The following UNC79 variants were observed in gnomAD, a reference collection of about 807,000 sequenced individuals.
UNC79 encodes the protein protein unc-79 homolog.
UNC79 carries 37 observed loss-of-function variants against 283.1 expected under a neutral mutation model. The observed-to-expected ratio is 0.13, with a 90% CI of 0.10 to 0.17. The LOEUF (loss-of-function observed/expected upper bound fraction) is 0.17. Ranked by LOEUF, UNC79 falls within the 10% of genes least tolerant of loss-of-function variation. UNC79 has a pLI of 1.00. For synonymous variants in UNC79, 1,107 were observed against 1,200.2 expected (o/e 0.92, Z 1.61); for missense variants, 2,272 against 3,211.1 (o/e 0.71, Z 7.07).
intron 6 of UNC79, among the ~76,000 whole-genome samples, chr14:93,496,875 T>C (rs1344826880): frequency 4.6e-5 from 7 of 152,216 alleles, no homozygotes; most frequent in Non-Finnish European, 8.8e-5. Flanking sequence ...CTAAAATCTT[T>C]CTTTAGCATC....
At chr14:93,352,522 T>C (rs2053998324) in intron 1 of UNC79, among the ~76,000 whole-genome samples, 1 of 152,224 alleles carries the variant, frequency 6.6e-6, no homozygotes, top group African/African-American at 2.4e-5. Context: ...TTTTGATGAA[T>C]GAACTCTGTT....
chr14:93,668,793 G>A (rs1199702882), intron 40 of UNC79, among the ~76,000 whole-genome samples: 1 of 150,336 alleles, frequency 6.7e-6, no homozygotes. Flanking sequence ...GCAGTGAACC[G>A]TGACTGTACC....
chr14:93,635,708 C>T (rs2068454046), intron 31 of UNC79, among the ~76,000 whole-genome samples: 1 of 152,204 alleles, frequency 6.6e-6, no homozygotes, highest in Non-Finnish European at 1.5e-5. Context: ...ATAGTTTCAA[C>T]TCTCCTGGAC....
chr14:93,373,738 C>G (rs1269252943), intron 1 of UNC79, among the ~76,000 whole-genome samples: 2 of 152,130 alleles, frequency 1.3e-5, no homozygotes, highest in Non-Finnish European at 2.9e-5. Flanking sequence ...AGGATAAATA[C>G]TTTCTAACAC....
At chr14:93,558,972 T>C (rs1163906350) in intron 14 of UNC79, among the ~76,000 whole-genome samples, 1 of 152,110 alleles carries the variant, frequency 6.6e-6, no homozygotes, top group Admixed American at 6.6e-5. Context: ...TGATACAGAC[T>C]CTGGACCCAT....
intron 31 of UNC79, among the ~76,000 whole-genome samples, chr14:93,632,182 A>G (rs1482748602): frequency 1.3e-5 from 2 of 152,250 alleles, no homozygotes; most frequent in African/African-American, 4.8e-5. Context: ...CCTTTAAATA[A>G]TTCAAATTCA....
At chr14:93,373,917 G>C (rs1277349135) in intron 1 of UNC79, among the ~76,000 whole-genome samples, 2 of 152,202 alleles carry the variant, frequency 1.3e-5, no homozygotes, top group Non-Finnish European at 2.9e-5. Context: ...CTATGACTAA[G>C]TGGGATTTAT....
chr14:93,653,116 A>C (rs946417440), intron 35 of UNC79, among the ~76,000 whole-genome samples: 2 of 151,968 alleles, frequency 1.3e-5, no homozygotes, highest in African/African-American at 4.8e-5. Flanking sequence ...TTACCCCCTA[A>C]CTACATCAAG....
intron 1 of UNC79, among the ~76,000 whole-genome samples, chr14:93,414,507 C>T (rs901479043): frequency 6.6e-6 from 1 of 152,080 alleles, no homozygotes. Context: ...CTTGGCAATG[C>T]GGGCTCTTTT....
rs150451429 is a variant in UNC79, at chr14:93,542,445, T to C, written c.1525-21T>C. 6.2e-6 allele frequency: 10 copies of C among 1,603,562 alleles called. No homozygotes were observed. In the East Asian group the frequency reaches 2.0e-4, roughly 32 times the overall value. On this transcript the variant is annotated intron_variant, in intron 13 of 48. Coordinates refer to ENST00000555664, the Ensembl canonical transcript of UNC79. ...AAAGATGGATGGAAGCCGAACAAGG[T>C]TCTAATCTACCTACTTCTAGGTGAG...
downstream of UNC79, chr14:93,707,103 ATCTGAT>A: frequency 1.9e-6 from 1 of 517,562 alleles, no homozygotes; most frequent in Non-Finnish European, 3.3e-6. Context: ...TCCTTGGGCT[ATCTGAT>A]TAAGTGTTTC....
intron 14 of UNC79, among the ~76,000 whole-genome samples, chr14:93,556,695 A>C (rs1428135489): frequency 6.6e-6 from 1 of 151,882 alleles, no homozygotes; most frequent in Non-Finnish European, 1.5e-5. Flanking sequence ...AAAAAAAAAA[A>C]ACCCAAAAAC....
chr14:93,595,144 C>T (rs2064983500), intron 23 of UNC79, among the ~76,000 whole-genome samples: 1 of 151,222 alleles, frequency 6.6e-6, no homozygotes, highest in Non-Finnish European at 1.5e-5. Flanking sequence ...AGCTGGAGTG[C>T]AGTGGAGTGA....
rs565411666 is a variant in UNC79 at position 93,674,807 on chromosome 14, G to C, written c.6741+1352G>C. ...GCATTGGTTCTGTATTGCATGGGGG[G>C]GTTCAGTGGCTTGCCCAAGACCACG... On this transcript the variant is annotated intron_variant, in intron 41 of 48. Transcript: ENST00000555664. 6.8e-4 allele frequency among the ~76,000 whole-genome samples: 104 copies of C among 152,260 alleles called. 1 individual carries two copies. Among genetic ancestry groups the C allele is most frequent in the African/African-American group, 2.0e-3 (85 of 41,544 alleles).
chr14:93,608,514 C>T (rs1254326595), intron 26 of UNC79, among the ~76,000 whole-genome samples: 2 of 152,198 alleles, frequency 1.3e-5, no homozygotes, highest in African/African-American at 4.8e-5. Context: ...GCCACTGCCC[C>T]AGCTTTCCAG....
chr14:93,686,756 G>GC, intron 43 of UNC79, 95 bp downstream of exon 46: 1 of 1,377,102 alleles, frequency 7.3e-7, no homozygotes, highest in Non-Finnish European at 1.0e-6. Flanking sequence ...CGCTACCTGG[G>GC]GAGGCAGCCG....
intron 1 of UNC79, among the ~76,000 whole-genome samples, chr14:93,345,025 TG>T (rs2053794435): frequency 6.6e-6 from 1 of 152,126 alleles, no homozygotes; most frequent in Non-Finnish European, 1.5e-5. Context: ...TGGTGAAACA[TG>T]CCCCAGAGTT....
intron 32 of UNC79, among the ~76,000 whole-genome samples, chr14:93,637,838 C>T (rs1328200466): frequency 2.6e-5 from 4 of 152,224 alleles, no homozygotes; most frequent in Admixed American, 1.3e-4. Context: ...CATTCCTCCT[C>T]AGACATATCA....
At chr14:93,364,572 C>A (rs1261404134) in intron 1 of UNC79, among the ~76,000 whole-genome samples, 7 of 44,340 alleles carry the variant, frequency 1.6e-4, no homozygotes, top group Middle Eastern at 0.014. Context: ...TCAACATATA[C>A]AAGGAATAGA....
Sources: allele counts gnomAD v4.1 joint callset (sites outside exome capture counted in the v4.1 genomes callset), GRCh38; gene constraint gnomAD v4.1.1; transcripts MANE v1.5; gene names NCBI Gene and HGNC (gene_info 2026-07-23, HGNC 2026-07-21).